Variants in ZNF236 observed in about 807,000 individuals in gnomAD.
The protein encoded by ZNF236 is regulated by glucose.
In ZNF236, 50 loss-of-function variants were observed where a neutral mutation model predicts 191.2. The ratio of observed to expected loss-of-function variants is 0.26; its 90% CI spans 0.21 to 0.33. ZNF236 has a LOEUF of 0.33. ZNF236 is among the 10% of genes least tolerant of loss of function. ZNF236 has a pLI of 1.00. For missense variants in ZNF236, 1,754 were observed against 2,374.5 expected (o/e 0.74, Z 5.43); for synonymous variants, 907 against 928.8 (o/e 0.98, Z 0.43).
At position 76,895,507 on chromosome 18, in the gene ZNF236, G is replaced by A. The variant is rs1213532502; in HGVS notation, c.1690+222G>A. On this transcript the variant is annotated intron_variant, in intron 10 of 30. Transcript: ENST00000320610. Reference sequence around the variant, plus strand: ...TACTGCCCACAGGGACTGCACAAAGGTCTCAAACACAGATACCGCACACAG... The same window carrying A: ...TACTGCCCACAGGGACTGCACAAAGATCTCAAACACAGATACCGCACACAG... 1.7e-5 allele frequency: 11 copies of A among 646,120 alleles called. No homozygotes were observed. In the South Asian group the frequency reaches 1.9e-4, roughly 11 times the overall value. The allele number at this position is 646,120 out of a possible 1,614,324, so 40.0% of individuals were successfully genotyped here.
At chr18:76,869,650 A>G (rs978672195) in intron 4 of ZNF236, among the ~76,000 whole-genome samples, 1 of 152,198 alleles carries the variant, frequency 6.6e-6, no homozygotes, top group Non-Finnish European at 1.5e-5. Context: ...TAATTTCTCC[A>G]ACAAACTCTA....
rs898245169 is a variant in ZNF236 at position 76,895,481 on chromosome 18, G to C, written c.1690+196G>C. On this transcript the variant is annotated intron_variant, in intron 10 of 30. Coordinates refer to ENST00000320610, the MANE Select transcript of ZNF236 (RefSeq NM_001306089.2). ...GGCCCGCAATGCAGCACCCACACCG[G>C]TACTGCCCACAGGGACTGCACAAAG... 5.4e-6 allele frequency: 4 copies of C among 743,924 alleles called. No individual in the cohort carries two copies. In the African/African-American group the frequency reaches 7.1e-5, roughly 13 times the overall value. The allele number at this position is 743,924 out of a possible 1,614,324, so 46.1% of individuals were successfully genotyped here.
intron 1 of ZNF236, chr18:76,834,337 C>A (rs1454624586): frequency 5.8e-6 from 1 of 171,408 alleles, no homozygotes; most frequent in Non-Finnish European, 1.2e-5. Flanking sequence ...CCACTAGTTT[C>A]TTCTCTTTAT....
chr18:76,931,120 G>A (rs1967833780), intron 25 of ZNF236: 1 of 152,112 alleles, frequency 6.6e-6, no homozygotes, highest in African/African-American at 2.4e-5. Flanking sequence ...ATTAATAAAC[G>A]GGAGCATAAG....
intron 9 of ZNF236, among the ~76,000 whole-genome samples, chr18:76,891,870 A>G (rs769296959): frequency 2.6e-5 from 4 of 152,128 alleles, no homozygotes; most frequent in Non-Finnish European, 5.9e-5. Flanking sequence ...TTTTTATTCA[A>G]GTGTTCTGAG....
At chr18:76,876,836 C>T (rs192952930) in intron 6 of ZNF236, among the ~76,000 whole-genome samples, 1 of 152,244 alleles carries the variant, frequency 6.6e-6, no homozygotes, top group East Asian at 1.9e-4. Flanking sequence ...TTGTGAGGTA[C>T]TTGTCAGTAC....
At chr18:76,932,985 C>T (rs776932866) in intron 25 of ZNF236, among the ~76,000 whole-genome samples, 77 of 152,282 alleles carry the variant, frequency 5.1e-4, no homozygotes, top group African/African-American at 1.4e-3. Flanking sequence ...CCTCCACAGA[C>T]GCATGTTGGA....
Position 76,971,285 on chromosome 18 carries a change from C to T in ZNF236, c.*2946C>T, listed in dbSNP as rs1324666860. Among the ~76,000 whole-genome samples, 1 of 152,208 alleles carries T rather than the reference C, an allele frequency of 6.6e-6. No homozygotes were observed. The highest frequency in any genetic ancestry group is 1.5e-5 in the Non-Finnish European group (1 of 68,036). On this transcript the variant is annotated 3_prime_UTR_variant, in exon 31 of 31. Transcript: ENST00000320610. ...TGCAGATTGAAATGCTACCCCACCC[C>T]CATCAAGCTCTACTTTTTCCCCTTT... is the stretch of plus-strand genomic sequence containing the variant.
chr18:76,955,299 G>A lies in ZNF236; in HGVS notation c.4915-686G>A, dbSNP rs553081161. ...GGTGAGGTGGTGCGTACCTGTGGAC[G>A]CAGGCGTGCGGGAGGGCTGGGGTGG... On this transcript the variant is annotated intron_variant, in intron 27 of 30. Transcript: ENST00000320610. 3.9e-5 allele frequency among the ~76,000 whole-genome samples: 6 copies of A among 152,240 alleles called. No individual in the cohort carries two copies. The South Asian group carries it at 1.2e-3, about 32-fold the overall frequency.
chr18:76,887,804 C>G (rs959703765), intron 9 of ZNF236: 1 of 152,184 alleles, frequency 6.6e-6, no homozygotes, highest in African/African-American at 2.4e-5. Flanking sequence ...GAAACACACC[C>G]GCATGATTCA....
chr18:76,914,045 C>A, intron 18 of ZNF236, 147 bp downstream of exon 18: 1 of 887,146 alleles, frequency 1.1e-6, no homozygotes, highest in Non-Finnish European at 1.7e-6. Flanking sequence ...ACCATCAAAA[C>A]TGTAATTTTA....
intron 3 of ZNF236, among the ~76,000 whole-genome samples, chr18:76,867,540 A>C (rs146683525): frequency 7.9e-5 from 12 of 152,352 alleles, no homozygotes; most frequent in African/African-American, 2.6e-4. Context: ...ATAGGAAAAA[A>C]TCAATGTATT....
intron 3 of ZNF236, among the ~76,000 whole-genome samples, chr18:76,863,910 G>A (rs1250358729): frequency 6.6e-6 from 1 of 152,204 alleles, no homozygotes; most frequent in Non-Finnish European, 1.5e-5. Context: ...AGAATGGTGT[G>A]GTGGTTAATT....
At chr18:76,828,718 A>C (rs1243004862) in intron 1 of ZNF236, among the ~76,000 whole-genome samples, 1 of 150,766 alleles carries the variant, frequency 6.6e-6, no homozygotes, top group African/African-American at 2.4e-5. Context: ...CCAGGCTGGT[A>C]TGCAGTGGCG....
chr18:76,907,088 G>A (rs1568223623), intron 13 of ZNF236, among the ~76,000 whole-genome samples: 1 of 152,232 alleles, frequency 6.6e-6, no homozygotes, highest in Non-Finnish European at 1.5e-5. Context: ...CTGTGTGGAA[G>A]CATCACAGTG....
intron 19 of ZNF236, among the ~76,000 whole-genome samples, chr18:76,916,254 C>T (rs538736149): frequency 1.3e-5 from 2 of 152,278 alleles, no homozygotes; most frequent in Admixed American, 1.3e-4. Flanking sequence ...ATTTATTGAA[C>T]ACAGGCCTAC....
intron 3 of ZNF236, among the ~76,000 whole-genome samples, chr18:76,864,768 G>A (rs1389467447): frequency 2.0e-5 from 3 of 151,378 alleles, no homozygotes; most frequent in East Asian, 1.9e-4. Flanking sequence ...AAGGTTTTCC[G>A]TACTTCTCTC....
rs73488945 is a variant in ZNF236, at chr18:76,932,586, C to T, written c.4594+4480C>T. 7.5e-3 allele frequency among the ~76,000 whole-genome samples: 1,139 copies of T among 152,274 alleles called. 13 individuals carry two copies. The highest frequency in any genetic ancestry group is 0.026 in the African/African-American group (1,085 of 41,554). ...TGGGCCGAAGCGAGTGGTAGTCGCTCGTGGTGCAGGGCTCTGGGTGAGATG... is the reference window on the plus strand; with the variant it reads ...TGGGCCGAAGCGAGTGGTAGTCGCTTGTGGTGCAGGGCTCTGGGTGAGATG... On this transcript the variant is annotated intron_variant, in intron 25 of 30. Transcript: ENST00000320610.
At position 76,905,230 on chromosome 18, in the gene ZNF236, A is replaced by G. The variant is rs1350899956; in HGVS notation, c.2112A>G (p.Ala704=). ...RGFVSAGVLK[A]HIRTHTGLKS... ...TTGTTTCTGCAGGCGTGCTCAAAGC[A>G]CACATCAGAACACACACAGGACTGA... Residue 704 remains alanine, a synonymous_variant, in exon 13 of 31, where the codon GCA becomes GCG. Transcript: ENST00000320610. 1 of 1,614,122 alleles carries G rather than the reference A, an allele frequency of 6.2e-7. No individual in the cohort carries two copies. The highest frequency in any genetic ancestry group is 8.5e-7 in the Non-Finnish European group (1 of 1,180,046).
Sources: allele counts gnomAD v4.1 joint callset (sites outside exome capture counted in the v4.1 genomes callset), GRCh38; gene constraint gnomAD v4.1.1; transcripts MANE v1.5; gene names NCBI Gene and HGNC (gene_info 2026-07-23, HGNC 2026-07-21).